LMOD1: variants seen among roughly 807,000 people sequenced by gnomAD.
LMOD1 encodes leiomodin 1, also known as leiomodin-1.
LMOD1 carries 8 observed loss-of-function variants against 36.5 expected under a neutral mutation model. The ratio of observed to expected loss-of-function variants is 0.22; its 90% CI spans 0.13 to 0.40. LMOD1 has a LOEUF of 0.40. Among genes scored for constraint, LMOD1 ranks in the 10% least tolerant of loss-of-function variants. LMOD1 has a pLI of 1.00. For missense variants in LMOD1, 630 were observed against 751.1 expected (o/e 0.84, Z 1.88); for synonymous variants, 284 against 288.7 (o/e 0.98, Z 0.17).
At chr1:201,918,174 C>T (rs1205256553) in intron 1 of LMOD1, among the ~76,000 whole-genome samples, 1 of 152,206 alleles carries the variant, frequency 6.6e-6, no homozygotes, top group Non-Finnish European at 1.5e-5. Flanking sequence ...CTCTCCCACC[C>T]CACAGACACT....
rs747907984 is a variant in LMOD1 at position 201,900,344 on chromosome 1, T to A, written c.669A>T (p.Val223=). ...TGTCTGTGTTCCTACGCTCCCCTTT[T>A]ACCTTCTCATCATCCTCTTTCTTGG... is the stretch of plus-strand genomic sequence containing the variant. ...EVAKKEDDEK[V]KGERRNTDTR... is the part of the protein sequence containing the mutation. Residue 223 remains valine (V), a synonymous_variant, in exon 2 of 3, where the codon GTA becomes GTT. Coordinates refer to ENST00000367288, the MANE Select transcript of LMOD1 (RefSeq NM_012134.3). 1.9e-5 allele frequency: 30 copies of A among 1,575,898 alleles called. No homozygotes were observed. The highest frequency in any genetic ancestry group is 2.4e-5 in the Non-Finnish European group (28 of 1,159,488).
At chr1:201,920,308 C>T (rs1261710776) in intron 1 of LMOD1, among the ~76,000 whole-genome samples, 2 of 152,008 alleles carry the variant, frequency 1.3e-5, no homozygotes, top group African/African-American at 4.8e-5. Flanking sequence ...GATCCGCCCG[C>T]CTCAGCCTCC....
intron 1 of LMOD1, among the ~76,000 whole-genome samples, chr1:201,910,799 G>T (rs146726541): frequency 0.011 from 1,223 of 106,690 alleles, 10 homozygotes; most frequent in Non-Finnish European, 0.017. Context: ...CTGTCACCCA[G>T]ACTGAAGTGC....
At chr1:201,938,249 C>T (rs1682049714) in intron 1 of LMOD1, among the ~76,000 whole-genome samples, 1 of 152,060 alleles carries the variant, frequency 6.6e-6, no homozygotes, top group Admixed American at 6.6e-5. Flanking sequence ...CCTGCCTCAG[C>T]CTCCCGAGTA....
Position 201,900,463 on chromosome 1 carries a change from C to T in LMOD1, c.550G>A (p.Ala184Thr). The T allele has an allele frequency of 6.2e-7, 1 of 1,609,736 alleles. No homozygotes were observed. Among genetic ancestry groups the T allele is most frequent in the South Asian group, 1.1e-5 (1 of 90,466 alleles). ...TTCTTCTCCTCTTCCTTCTTGGTGG[C>T]CACTGCCCTCTCCTCTCCTCTCCCA... is the stretch of plus-strand genomic sequence containing the variant. ...KDGRGEERAV[A>T]TKKEEEKKGS... The change falls in exon 2 of 3, where the codon GCC becomes ACC. Residue 184 changes from alanine to threonine, a missense_variant. Physicochemically the swap from Ala to Thr is moderately conservative, Grantham distance 58. Transcript: ENST00000367288.
rs146087373 is a variant in LMOD1, at chr1:201,934,605, A to G, written c.261+11475T>C. On this transcript the variant is annotated intron_variant, in intron 1 of 2. Coordinates refer to ENST00000367288, the MANE Select transcript of LMOD1 (RefSeq NM_012134.3). ...CTGCCACCCTACTATTCTGCTTCCC[A>G]TTAGAACAAAACTGAGGAAAAACGA... Among the ~76,000 whole-genome samples, 1,138 of 152,226 alleles carry G rather than the reference A, an allele frequency of 7.5e-3. 11 individuals carry two copies. Among genetic ancestry groups the G allele is most frequent in the African/African-American group, 0.026 (1,069 of 41,552 alleles).
chr1:201,924,721 G>GAAAGAAAGAAAGAAAGAAAGA (rs1553297960), intron 1 of LMOD1, among the ~76,000 whole-genome samples: 2 of 114,350 alleles, frequency 1.7e-5, no homozygotes, highest in African/African-American at 5.9e-5. Flanking sequence ...AAGAAAGAAA[G>GAAAGAAAGAAAGAAAGAAAGA]AAAGAAAGAA....
At chr1:201,943,768 C>T (rs541630678) in intron 1 of LMOD1, among the ~76,000 whole-genome samples, 7 of 152,258 alleles carry the variant, frequency 4.6e-5, no homozygotes, top group South Asian at 2.1e-4. Flanking sequence ...AGTGCTCTAC[C>T]GCAGCACCGC....
rs1558234757 is a variant in LMOD1 at position 201,901,596 on chromosome 1, G to GTGTGTA, written c.262-846_262-845insTACACA. Among the ~76,000 whole-genome samples the GTGTGTA allele has an allele frequency of 5.7e-3, 358 of 62,924 alleles. 48 individuals carry two copies. The highest frequency in any genetic ancestry group is 8.2e-3 in the Middle Eastern group (1 of 122). The allele number at this position is 62,924 out of a possible 152,430, so 41.3% of individuals were successfully genotyped here. Reference sequence around the variant, plus strand: ...TATATATATATATACATATATATATGTATATATATATATACACATATATAT... The same window carrying GTGTGTA: ...TATATATATATATACATATATATATGTGTGTATATATATATATATACACATATATAT... On this transcript the variant is annotated intron_variant, in intron 1 of 2. Coordinates refer to ENST00000367288, the MANE Select transcript of LMOD1 (RefSeq NM_012134.3).
chr1:201,918,753 G>A (rs1681650471), intron 1 of LMOD1, among the ~76,000 whole-genome samples: 1 of 152,128 alleles, frequency 6.6e-6, no homozygotes, highest in African/African-American at 2.4e-5. Context: ...GAACCTCAAG[G>A]TACCCATTGC....
At chr1:201,908,946 C>G (rs575642653) in intron 1 of LMOD1, among the ~76,000 whole-genome samples, 1 of 152,240 alleles carries the variant, frequency 6.6e-6, no homozygotes. Context: ...CCCAATAAAC[C>G]TGACAAGCAA....
At chr1:201,913,864 T>C (rs1427493386) in intron 1 of LMOD1, among the ~76,000 whole-genome samples, 1 of 152,224 alleles carries the variant, frequency 6.6e-6, no homozygotes, top group East Asian at 1.9e-4. Flanking sequence ...TAGCATTTTA[T>C]GTAAATTATA....
intron 1 of LMOD1, among the ~76,000 whole-genome samples, chr1:201,915,096 T>G (rs1681580244): frequency 6.6e-6 from 1 of 152,218 alleles, no homozygotes; most frequent in African/African-American, 2.4e-5. Context: ...ATTTCATATA[T>G]TGCTCAAACT....
chr1:201,923,126 G>A (rs1681734385), intron 1 of LMOD1, among the ~76,000 whole-genome samples: 1 of 151,974 alleles, frequency 6.6e-6, no homozygotes, highest in Non-Finnish European at 1.5e-5. Flanking sequence ...CGCCAGGCCA[G>A]GAGTGACTCT....
intron 1 of LMOD1, among the ~76,000 whole-genome samples, chr1:201,924,269 A>G (rs1473008780): frequency 3.8e-4 from 56 of 147,556 alleles, no homozygotes; most frequent in African/African-American, 1.4e-3. Context: ...GCTTGCAGTG[A>G]GCCGAGATAG....
intron 1 of LMOD1, among the ~76,000 whole-genome samples, chr1:201,923,227 C>T (rs576712930): frequency 5.3e-5 from 8 of 152,080 alleles, no homozygotes; most frequent in Non-Finnish European, 1.0e-4. Context: ...GAGTGCAGCA[C>T]GGTGACAGGA....
chr1:201,912,913 A>T (rs1681538974), intron 1 of LMOD1, among the ~76,000 whole-genome samples: 1 of 152,066 alleles, frequency 6.6e-6, no homozygotes, highest in Admixed American at 6.6e-5. Context: ...TGGAGTCCAC[A>T]CTGAGAAGGA....
chr1:201,930,349 G>A (rs1302641163), intron 1 of LMOD1, among the ~76,000 whole-genome samples: 1 of 152,112 alleles, frequency 6.6e-6, no homozygotes, highest in Non-Finnish European at 1.5e-5. Context: ...ATATGCATGG[G>A]AGTAATAGAA....
In LMOD1 at chr1:201,897,079, A is replaced by C. The variant is rs1467517238; in HGVS notation, c.*1293T>G. 1 of 270,910 alleles carries C rather than the reference A, an allele frequency of 3.7e-6. No individual in the cohort carries two copies. Among genetic ancestry groups the C allele is most frequent in the African/African-American group, 2.2e-5 (1 of 45,534 alleles). 16.8% of individuals were successfully genotyped at this position (270,910 alleles called of 1,614,324 possible). ...ACCTACACCCGATGGTGGGCATGGC[A>C]GCATTGTCAGCATTCCTGCAGTTGG... On this transcript the variant is annotated 3_prime_UTR_variant, in exon 3 of 3. Coordinates refer to ENST00000367288, the MANE Select transcript of LMOD1 (RefSeq NM_012134.3).
Sources: allele counts gnomAD v4.1 joint callset (sites outside exome capture counted in the v4.1 genomes callset), GRCh38; gene constraint gnomAD v4.1.1; transcripts MANE v1.5; gene names NCBI Gene and HGNC (gene_info 2026-07-23, HGNC 2026-07-21).